The following GAS2L3 variants were observed in gnomAD, a reference collection of about 807,000 sequenced individuals.
The protein encoded by GAS2L3 is GAS2-like protein 3.
Under a neutral mutation model 37.0 loss-of-function variants are expected in GAS2L3, and 28 were observed. That is an observed-to-expected ratio of 0.76 (90% confidence interval 0.56 to 1.04). GAS2L3 has a LOEUF of 1.04. GAS2L3 is among the 50% of genes least tolerant of loss of function. The pLI is 0.00. For synonymous variants in GAS2L3, 290 were observed against 296.6 expected (o/e 0.98, Z 0.23); for missense variants, 793 against 817.6 (o/e 0.97, Z 0.37).
chr12:100,613,650 A>C (rs879505938), intron 6 of GAS2L3, among the ~76,000 whole-genome samples: 2 of 150,994 alleles, frequency 1.3e-5, no homozygotes, highest in East Asian at 3.9e-4. Context: ...GCTGGAGTAC[A>C]GTGGCGCGAT....
intron 1 of GAS2L3, among the ~76,000 whole-genome samples, 185 bp from the exon 2 acceptor site, chr12:100,591,551 C>A (rs79164175): frequency 0.01 from 1,575 of 152,236 alleles, 25 homozygotes; most frequent in African/African-American, 0.036. Context: ...CTGAGTATTA[C>A]TAGCTTTGTT....
intron 3 of GAS2L3, among the ~76,000 whole-genome samples, chr12:100,595,417 G>T (rs200197327): frequency 0.021 from 2,916 of 138,708 alleles, 72 homozygotes; most frequent in African/African-American, 0.063. Flanking sequence ...TTTTTGTTTT[G>T]TTTTTTGTGG....
chr12:100,605,662 T>C (rs1293907986), intron 5 of GAS2L3, among the ~76,000 whole-genome samples: 1 of 152,006 alleles, frequency 6.6e-6, no homozygotes, highest in Non-Finnish European at 1.5e-5. Flanking sequence ...GCTTTCACTG[T>C]ATCCCATAGG....
chr12:100,582,952 C>G (rs887695303), intron 1 of GAS2L3, among the ~76,000 whole-genome samples: 9 of 152,194 alleles, frequency 5.9e-5, no homozygotes, highest in African/African-American at 2.2e-4. Context: ...TGATGCTCTT[C>G]CATCATGACT....
At chr12:100,588,642 C>T (rs1292467403) in intron 1 of GAS2L3, among the ~76,000 whole-genome samples, 1 of 152,092 alleles carries the variant, frequency 6.6e-6, no homozygotes, top group African/African-American at 2.4e-5. Context: ...TTTTTTCCCA[C>T]CCTAGTAAGC....
chr12:100,581,636 T>C (rs905443625), intron 1 of GAS2L3, among the ~76,000 whole-genome samples: 1 of 152,244 alleles, frequency 6.6e-6, no homozygotes, highest in African/African-American at 2.4e-5. Context: ...CAGTTTTTAA[T>C]ATCTAGAAGT....
At chr12:100,619,297 A>G (rs1370570801) in intron 8 of GAS2L3, among the ~76,000 whole-genome samples, 1 of 151,942 alleles carries the variant, frequency 6.6e-6, no homozygotes, top group Non-Finnish European at 1.5e-5. Context: ...TTCATTAGGT[A>G]GAAGTTAATA....
intron 5 of GAS2L3, among the ~76,000 whole-genome samples, chr12:100,610,028 T>C (rs986231671): frequency 1.3e-5 from 2 of 152,226 alleles, no homozygotes; most frequent in East Asian, 3.8e-4. Context: ...TTTATTCTTG[T>C]AATGGTGCTT....
chr12:100,612,582 A>G (rs1407144416), intron 6 of GAS2L3: 1 of 163,524 alleles, frequency 6.1e-6, no homozygotes, highest in Non-Finnish European at 1.3e-5. Context: ...ATGGATTAAT[A>G]TTTTTGACAA....
intron 1 of GAS2L3, among the ~76,000 whole-genome samples, chr12:100,586,580 C>T (rs559697968): frequency 6.4e-4 from 97 of 152,132 alleles, no homozygotes; most frequent in Middle Eastern, 6.8e-3. Context: ...ACAGCAAAGG[C>T]GGTGCTAAGA....
intron 3 of GAS2L3, among the ~76,000 whole-genome samples, chr12:100,597,868 T>C (rs9943719): frequency 0.16 from 24,321 of 152,046 alleles, 2,841 homozygotes; most frequent in East Asian, 0.48. Flanking sequence ...AAGCTTAGTA[T>C]ATTTTAAGAG....
intron 3 of GAS2L3, 67 bp from the exon 4 acceptor site, chr12:100,600,315 A>T (rs1386938095): frequency 4.2e-6 from 4 of 957,940 alleles, no homozygotes; most frequent in Non-Finnish European, 6.3e-6. Flanking sequence ...TTAAATATTG[A>T]TGTGGATTAT....
At chr12:100,573,851 G>A (rs1421752897) in intron 1 of GAS2L3, 66 bp downstream of exon 1, 3 of 152,326 alleles carry the variant, frequency 2.0e-5, no homozygotes, top group African/African-American at 4.8e-5. Context: ...CGGGGCCTCC[G>A]CGCCTCAGCC....
intron 8 of GAS2L3, among the ~76,000 whole-genome samples, chr12:100,621,619 T>TTTAATAATAAAATTTGATCAAA (rs1290802621): frequency 6.6e-6 from 1 of 151,968 alleles, no homozygotes; most frequent in Non-Finnish European, 1.5e-5. Flanking sequence ...TTCTGCCAAT[T>TTTAATAATAAAATTTGATCAAA]TTAATAATAA....
At chr12:100,577,935 A>G (rs749376241) in intron 1 of GAS2L3, among the ~76,000 whole-genome samples, 4 of 152,226 alleles carry the variant, frequency 2.6e-5, no homozygotes. Flanking sequence ...GAGTCAAGAG[A>G]CAGGGCTGGT....
intron 1 of GAS2L3, among the ~76,000 whole-genome samples, chr12:100,582,958 T>C (rs1336966503): frequency 6.6e-6 from 1 of 152,244 alleles, no homozygotes; most frequent in African/African-American, 2.4e-5. Context: ...TCTTCCATCA[T>C]GACTTCTCCT....
chr12:100,585,361 T>C (rs1431478605), intron 1 of GAS2L3, among the ~76,000 whole-genome samples: 1 of 151,748 alleles, frequency 6.6e-6, no homozygotes, highest in Non-Finnish European at 1.5e-5. Flanking sequence ...GTTCAAGCAA[T>C]TCTCCTGCCT....
At chr12:100,586,734 C>A (rs954975044) in intron 1 of GAS2L3, among the ~76,000 whole-genome samples, 2 of 151,872 alleles carry the variant, frequency 1.3e-5, no homozygotes, top group African/African-American at 4.8e-5. Flanking sequence ...AAGATCGTAG[C>A]AGAACTAAAT....
In GAS2L3 at chr12:100,628,188, A is replaced by G. The variant is rs534366552; in HGVS notation, c.*3298A>G. 3 of 152,336 alleles carry G rather than the reference A, an allele frequency of 2.0e-5. No individual in the cohort carries two copies. In the East Asian group the frequency reaches 5.8e-4, roughly 29 times the overall value. 9.4% of individuals were successfully genotyped at this position (152,336 alleles called of 1,614,324 possible). A position where few individuals can be genotyped will look rare whatever the true frequency, so the allele number is the denominator to read the frequency against. ...ACATCCAGGTTCACATAATAACCCC[A>G]TTTGAATCCAAATTTGTGTATATTT... On this transcript the variant is annotated 3_prime_UTR_variant, in exon 10 of 10. Coordinates refer to ENST00000547754, the MANE Select transcript of GAS2L3 (RefSeq NM_174942.3).
Sources: gnomAD v4.1 joint callset for allele counts (sites outside exome capture counted in the v4.1 genomes callset) on GRCh38, gnomAD v4.1.1 for gene constraint, MANE v1.5 for transcripts, NCBI Gene and HGNC (gene_info 2026-07-23, HGNC 2026-07-21) for gene names.